The following SYNE1 variants were observed in gnomAD, a reference collection of about 807,000 sequenced individuals.
SYNE1 encodes the protein spectrin repeat containing nuclear envelope protein 1.
In SYNE1, 616 loss-of-function variants were observed where a neutral mutation model predicts 1,111.0. The ratio of observed to expected loss-of-function variants is 0.55; its 90% confidence interval spans 0.52 to 0.59. The LOEUF is 0.59. SYNE1 is among the 20% of genes least tolerant of loss of function. The pLI, the probability that SYNE1 is intolerant of heterozygous loss-of-function variation, is 0.00. For missense variants in SYNE1, 10,006 were observed against 10,417.0 expected (o/e 0.96, Z 1.72); for synonymous variants, 3,855 against 3,825.8 (o/e 1.01, Z -0.28).
At chr6:152,158,026 G>A (rs2061715871) in intron 131 of SYNE1, among the ~76,000 whole-genome samples, 1 of 152,154 alleles carries the variant, frequency 6.6e-6, no homozygotes, top group African/African-American at 2.4e-5. Context: ...CAAAGTGCTG[G>A]AATTACAGGT....
intron 140 of SYNE1, among the ~76,000 whole-genome samples, chr6:152,139,087 T>A (rs2057789153): frequency 6.6e-6 from 1 of 152,232 alleles, no homozygotes; most frequent in Non-Finnish European, 1.5e-5. Context: ...TCTCCAGCTC[T>A]AGATATAGGC....
chr6:152,389,613 A>G (rs1221497584), intron 53 of SYNE1, among the ~76,000 whole-genome samples: 1 of 152,202 alleles, frequency 6.6e-6, no homozygotes, highest in Non-Finnish European at 1.5e-5. Flanking sequence ...TATAATTACA[A>G]CAAAAACACT....
intron 112 of SYNE1, among the ~76,000 whole-genome samples, chr6:152,233,034 T>C (rs1356000051): frequency 6.6e-6 from 1 of 152,166 alleles, no homozygotes; most frequent in African/African-American, 2.4e-5. Context: ...AAAGATAAAA[T>C]GTTCTGGGAT....
At chr6:152,244,759 A>G (rs2086673800) in intron 105 of SYNE1, 103 bp from the exon 106 acceptor site, 4 of 1,450,272 alleles carry the variant, frequency 2.8e-6, no homozygotes, top group Middle Eastern at 1.8e-4. Flanking sequence ...TCCATGTAAA[A>G]CATTCTCAAT....
At chr6:152,292,375 A>G (rs1382286566) in intron 95 of SYNE1, among the ~76,000 whole-genome samples, 3 of 152,124 alleles carry the variant, frequency 2.0e-5, no homozygotes, top group Non-Finnish European at 4.4e-5. Context: ...TGACTGTGGG[A>G]TAGCAGAAAG....
intron 99 of SYNE1, among the ~76,000 whole-genome samples, chr6:152,268,492 A>T (rs1198367206): frequency 1.3e-5 from 2 of 152,004 alleles, no homozygotes; most frequent in East Asian, 3.9e-4. Flanking sequence ...CAATATTGTC[A>T]TGCTAAAAGG....
intron 101 of SYNE1, among the ~76,000 whole-genome samples, 186 bp from the exon 102 acceptor site, chr6:152,256,951 T>C (rs1213958952): frequency 6.6e-6 from 1 of 152,170 alleles, no homozygotes; most frequent in East Asian, 1.9e-4. Context: ...AATGGCAATG[T>C]TTCCATGGAT....
chr6:152,614,648 A>T (rs2099640962), intron 3 of SYNE1, among the ~76,000 whole-genome samples: 1 of 152,220 alleles, frequency 6.6e-6, no homozygotes, highest in Non-Finnish European at 1.5e-5. Flanking sequence ...TACCCAAAGG[A>T]TTATAAATCA....
rs1321034474 is a variant in SYNE1, at chr6:152,232,208, A to G, written c.20770T>C (p.Ser6924Pro). Residue 6924 changes from serine to proline, a missense_variant, in exon 113 of 146, where the codon TCT (serine) becomes CCT (proline). Ser to Pro is a moderately conservative substitution (Grantham distance 74, BLOSUM62 -1). Coordinates refer to ENST00000367255, the MANE Select transcript of SYNE1 (RefSeq NM_182961.4). ...TTCTGAATAACATTTTCCATTAGAGAAATCCAACTCATGACTTCAGAAATG... is the reference window on the plus strand; with the variant it reads ...TTCTGAATAACATTTTCCATTAGAGGAATCCAACTCATGACTTCAGAAATG... ...HAISEVMSWI[S>P]LMENVIQKDE... 1 of 1,613,958 alleles carries G rather than the reference A, an allele frequency of 6.2e-7. No individual in the cohort carries two copies. The highest frequency in any genetic ancestry group is 8.5e-7 in the Non-Finnish European group (1 of 1,179,906).
At chr6:152,619,596 C>A (rs1233402298) in intron 3 of SYNE1, among the ~76,000 whole-genome samples, 1 of 152,128 alleles carries the variant, frequency 6.6e-6, no homozygotes, top group Non-Finnish European at 1.5e-5. Context: ...CCATAAAGAA[C>A]TTCCCCAAAA....
chr6:152,331,753 T>C lies in SYNE1; in HGVS notation c.12932A>G (p.Lys4311Arg). 6.2e-7 allele frequency: 1 copy of C among 1,614,216 alleles called. No homozygotes were observed. Among genetic ancestry groups the C allele is most frequent in the Non-Finnish European group, 8.5e-7 (1 of 1,180,034 alleles). ...ACTCGTCTGTTCTTTGACTAACTCC[T>C]TGTCATCTAAATTCAGATGCTCTAT... Reference protein sequence around the residue: ...KMIEHLNLDDKELVKEQTSHL... With the variant: ...KMIEHLNLDDRELVKEQTSHL... Residue 4311 changes from lysine (K) to arginine (R), a missense_variant, in exon 78 of 146, where the codon AAG (lysine) becomes AGG (arginine). Around this residue, in one of 7 missense-constraint regions of SYNE1, gnomAD observed 4,955 missense variants for 5,017.2 expected, o/e 0.99. Coordinates refer to ENST00000367255, the MANE Select transcript of SYNE1 (RefSeq NM_182961.4).
chr6:152,217,688 T>C (rs1427401027), intron 121 of SYNE1, among the ~76,000 whole-genome samples: 1 of 151,776 alleles, frequency 6.6e-6, no homozygotes, highest in South Asian at 2.1e-4. Flanking sequence ...GTTCAAAAGT[T>C]AATAGAGAGG....
At chr6:152,405,252 CA>C (rs2097880346) in intron 45 of SYNE1, among the ~76,000 whole-genome samples, 1 of 152,198 alleles carries the variant, frequency 6.6e-6, no homozygotes, top group South Asian at 2.1e-4. Flanking sequence ...TGAACCTGGT[CA>C]TATCTAATGT....
rs557068133 is a variant in SYNE1, at chr6:152,607,994, G to A, written c.67+20271C>T. ...TGGGAGCTGAACAATGAAAACACACGGACACAGGGAGAGGAACAACACACA... is the reference window on the plus strand; with the variant it reads ...TGGGAGCTGAACAATGAAAACACACAGACACAGGGAGAGGAACAACACACA... On this transcript the variant is annotated intron_variant, in intron 3 of 145. Coordinates refer to ENST00000367255, the MANE Select transcript of SYNE1 (RefSeq NM_182961.4). Among the ~76,000 whole-genome samples, 31 of 152,120 alleles carry A rather than the reference G, an allele frequency of 2.0e-4. No homozygotes were observed. The East Asian group carries it at 5.0e-3, about 25-fold the overall frequency.
chr6:152,204,008 T>C (rs1292270559), intron 126 of SYNE1, among the ~76,000 whole-genome samples: 1 of 152,032 alleles, frequency 6.6e-6, no homozygotes, highest in Non-Finnish European at 1.5e-5. Flanking sequence ...ACATTCTCAA[T>C]AAAACTATCA....
intron 2 of SYNE1, among the ~76,000 whole-genome samples, chr6:152,631,362 C>T (rs1406207168): frequency 6.6e-6 from 1 of 152,132 alleles, no homozygotes; most frequent in African/African-American, 2.4e-5. Flanking sequence ...AGAAACTCTA[C>T]AAGGTGACAT....
chr6:152,182,788 G>A (rs1487751871), intron 128 of SYNE1, among the ~76,000 whole-genome samples: 2 of 152,148 alleles, frequency 1.3e-5, no homozygotes, highest in East Asian at 1.9e-4. Context: ...CCTAGAGAGT[G>A]AGCCCCATAA....
rs747838657 is a variant in SYNE1, at chr6:152,330,155, G to T, written c.14530C>A (p.Pro4844Thr). ...TCATAAGCCAAGGGGTCAAGGTGTG[G>T]GGCAAGATCTTCAAGATGTATGGTT... ...RVTIHLEDLA[P>T]HLDPLAYEKA... The change falls in exon 78 of 146, where the codon CCA becomes ACA. Residue 4844 changes from proline to threonine, a missense_variant. Coordinates refer to ENST00000367255, the MANE Select transcript of SYNE1 (RefSeq NM_182961.4). 1.0e-4 allele frequency: 161 copies of T among 1,614,012 alleles called. No homozygotes were observed. The highest frequency in any genetic ancestry group is 1.3e-4 in the Non-Finnish European group (157 of 1,180,036).
chr6:152,559,632 T>A (rs906078378), intron 3 of SYNE1, among the ~76,000 whole-genome samples: 2 of 151,936 alleles, frequency 1.3e-5, no homozygotes, highest in African/African-American at 4.8e-5. Flanking sequence ...TGCAACAAAA[T>A]AAGTTCTAAG....
Sources: allele counts gnomAD v4.1 joint callset (sites outside exome capture counted in the v4.1 genomes callset), GRCh38; gene constraint gnomAD v4.1.1; regional missense constraint gnomAD v4.1.1; transcripts MANE v1.5; gene names NCBI Gene and HGNC (gene_info 2026-07-23, HGNC 2026-07-21).